The following CENPI variants were observed in gnomAD, a reference collection of about 807,000 sequenced individuals.
CENPI encodes FSH primary response 1.
CENPI carries 4 observed loss-of-function variants against 60.4 expected under a neutral mutation model. The ratio of observed to expected loss-of-function variants is 0.07; its 90% CI spans 0.03 to 0.15. The LOEUF (loss-of-function observed/expected upper bound fraction) is 0.15, where lower values mean the gene tolerates loss of function less well. Among genes scored for constraint, CENPI ranks in the 10% least tolerant of loss-of-function variants. The pLI, the probability that CENPI is intolerant of heterozygous loss-of-function variation, is 1.00. For synonymous variants in CENPI, 157 were observed against 189.4 expected (o/e 0.83, Z 1.40); for missense variants, 444 against 534.5 (o/e 0.83, Z 1.67).
the CENPI span, among the ~76,000 whole-genome samples, chrX:101,179,787 G>A: frequency 4.5e-5 from 5 of 112,241 alleles, no homozygotes; most frequent in South Asian, 3.6e-4. Flanking sequence ...CCCAAAGTGC[G>A]GGGATTACAG....
the CENPI span, among the ~76,000 whole-genome samples, chrX:101,176,649 AGTTC>A: frequency 2.7e-5 from 3 of 111,754 alleles, no homozygotes; most frequent in Non-Finnish European, 1.9e-5. Context: ...AAGTTGTTTG[AGTTC>A]CTTGTATATT....
chrX:101,116,884 G>T, intron 6 of CENPI, among the ~76,000 whole-genome samples: 1 of 111,640 alleles, frequency 9.0e-6, no homozygotes, highest in African/African-American at 3.2e-5. Context: ...ATGCTAGTAG[G>T]TGTGAAGTGG....
chrX:101,158,894 G>C lies in CENPI; in HGVS notation c.2095-2634G>C, dbSNP rs2090079667. Among the ~76,000 whole-genome samples the C allele has an allele frequency of 3.6e-5, 4 of 111,556 alleles. No homozygotes were observed. In the South Asian group the frequency reaches 1.1e-3, roughly 31 times the overall value. On this transcript the variant is annotated intron_variant, in intron 20 of 21. Coordinates refer to ENST00000682095, the MANE Select transcript of CENPI (RefSeq NM_001386188.2). ...GATCCACCCGCCTCGGCCTCCCAAA[G>C]TGCTGGGATTATAGGCATGAGCCAC...
chrX:101,101,230 T>A lies in CENPI; in HGVS notation c.160T>A (p.Tyr54Asn). The change falls in exon 3 of 22, where the codon TAT becomes AAT. Residue 54 changes from tyrosine (Y) to asparagine (N), a missense_variant. Tyr to Asn is a moderately radical substitution (Grantham distance 143). Transcript: ENST00000682095. ...KHGQNNPVGD[Y>N]EHADDQAEED... The stretch of plus-strand genomic sequence containing the variant: ...TGGACAAAACAATCCAGTGGGAGAT[T>A]ATGAACATGCTGATGATCAAGCTGA... 8.3e-7 allele frequency: 1 copy of A among 1,210,553 alleles called. No homozygotes were observed. The highest frequency in any genetic ancestry group is 1.1e-6 in the Non-Finnish European group (1 of 894,486).
chrX:101,116,101 A>G (rs935239684), intron 6 of CENPI, among the ~76,000 whole-genome samples: 3 of 111,832 alleles, frequency 2.7e-5, no homozygotes, highest in Non-Finnish European at 3.8e-5. Flanking sequence ...ATATTAAAAG[A>G]TACATATAAC....
At chrX:101,145,324 A>G in intron 17 of CENPI, 125 bp downstream of exon 17, 2 of 550,029 alleles carry the variant, frequency 3.6e-6, no homozygotes, top group Non-Finnish European at 2.9e-6. Flanking sequence ...CATTAAAATA[A>G]CCTCACATTT....
intron 4 of CENPI, among the ~76,000 whole-genome samples, chrX:101,107,647 G>A (rs944717462): frequency 1.8e-5 from 2 of 108,663 alleles, no homozygotes; most frequent in South Asian, 4.0e-4. Context: ...GTGAGCCACC[G>A]TGCCCTCATA....
At chrX:101,162,766 A>G (rs989015152) in intron 21 of CENPI, 67 bp from the exon 22 acceptor site, 1 of 1,120,862 alleles carries the variant, frequency 8.9e-7, no homozygotes, top group African/African-American at 1.8e-5. Flanking sequence ...CTAGGGAAAG[A>G]GGAGGAAATA....
chrX:101,104,583 G>A (rs2089461409), intron 4 of CENPI, among the ~76,000 whole-genome samples: 1 of 111,582 alleles, frequency 9.0e-6, no homozygotes, highest in Non-Finnish European at 1.9e-5. Flanking sequence ...AGTTAAGGCT[G>A]GGTATAGTGG....
intron 15 of CENPI, among the ~76,000 whole-genome samples, chrX:101,139,341 C>G (rs996573082): frequency 5.0e-4 from 55 of 109,766 alleles, no homozygotes; most frequent in African/African-American, 1.7e-3. Context: ...GTAATCTGCC[C>G]TTCTCGGCCT....
In CENPI at chrX:101,166,014, T is replaced by C. The variant is rs2090142590; in HGVS notation, c.*3047T>C. On this transcript the variant is annotated 3_prime_UTR_variant, in exon 22 of 22. Coordinates refer to ENST00000682095, the MANE Select transcript of CENPI (RefSeq NM_001386188.2). ...TATTTTATCATTAAAGAAACTTTTCTAAACTTAAATTTATGAAAAATAATT... is the reference window on the plus strand; with the variant it reads ...TATTTTATCATTAAAGAAACTTTTCCAAACTTAAATTTATGAAAAATAATT... Among the ~76,000 whole-genome samples, 2 of 112,429 alleles carry C rather than the reference T, an allele frequency of 1.8e-5. No homozygotes were observed. Among genetic ancestry groups the C allele is most frequent in the Non-Finnish European group, 3.8e-5 (2 of 53,307 alleles).
chrX:101,113,629 A>G (rs1378907574), intron 6 of CENPI, among the ~76,000 whole-genome samples: 2 of 111,873 alleles, frequency 1.8e-5, no homozygotes, highest in African/African-American at 6.5e-5. Context: ...TTTACAGTTG[A>G]TAATTGTTTA....
At chrX:101,154,861 A>G (rs2090039296) in intron 20 of CENPI, among the ~76,000 whole-genome samples, 2 of 111,089 alleles carry the variant, frequency 1.8e-5, no homozygotes. Context: ...TCAGTTTTGG[A>G]TTGCTTATTG....
At chrX:101,173,416 G>A in the CENPI span, among the ~76,000 whole-genome samples, 64 of 102,844 alleles carry the variant, frequency 6.2e-4, no homozygotes, top group African/African-American at 2.2e-3. Flanking sequence ...CTACCTCCTG[G>A]GCTCAAGTGA....
chrX:101,138,413 C>G (rs5967250), intron 15 of CENPI, among the ~76,000 whole-genome samples: 14,016 of 108,058 alleles, frequency 0.13, 703 homozygotes, highest in Middle Eastern at 0.23. Context: ...TCTCGGCTCA[C>G]TGCAACCTGT....
chrX:101,099,897 C>G (rs12556815), intron 2 of CENPI: 47,119 of 105,548 alleles, frequency 0.45, 8,545 homozygotes, highest in African/African-American at 0.61. Flanking sequence ...AAGCTATTCT[C>G]CTGCCTCACC....
intron 8 of CENPI, among the ~76,000 whole-genome samples, chrX:101,125,688 G>A (rs1199618848): frequency 8.9e-6 from 1 of 111,809 alleles, no homozygotes; most frequent in Non-Finnish European, 1.9e-5. Flanking sequence ...ATGAGCTACC[G>A]TGCCCAGCCA....
intron 15 of CENPI, among the ~76,000 whole-genome samples, chrX:101,139,616 A>G (rs1476841870): frequency 2.7e-5 from 3 of 111,729 alleles, no homozygotes; most frequent in Non-Finnish European, 5.6e-5. Flanking sequence ...GTCAAAAAGT[A>G]TATTAATTGA....
chrX:101,173,501 A>G, the CENPI span, among the ~76,000 whole-genome samples: 1 of 108,750 alleles, frequency 9.2e-6, no homozygotes, highest in Non-Finnish European at 1.9e-5. Context: ...TGAGGATGCA[A>G]CCAGAGTGAT....
Sources: allele counts gnomAD v4.1 joint callset (sites outside exome capture counted in the v4.1 genomes callset), GRCh38; gene constraint gnomAD v4.1.1; transcripts MANE v1.5; gene names NCBI Gene and HGNC (gene_info 2026-07-23, HGNC 2026-07-21).